The following CADM2 variants were observed in gnomAD, a reference collection of about 807,000 sequenced individuals.
CADM2 encodes the protein immunoglobulin superfamily member 4D.
CADM2 carries 12 observed loss-of-function variants against 49.8 expected under a neutral mutation model. That is an observed-to-expected ratio of 0.24 (90% CI 0.15 to 0.39). The LOEUF (loss-of-function observed/expected upper bound fraction) is 0.39. CADM2 is among the 10% of genes least tolerant of loss of function. The probability of loss-of-function intolerance (pLI) is 1.00; values close to 1 mark genes in which losing one functional copy is unlikely to be tolerated. For missense variants in CADM2, 378 were observed against 492.3 expected, an observed-to-expected ratio of 0.77 and a Z score of 2.20; for synonymous variants, 214 against 175.4, an observed-to-expected ratio of 1.22 and a Z score of -1.74.
At position 85,630,587 on chromosome 3, in the gene CADM2, G is replaced by T. The variant is rs112592472; in HGVS notation, c.62-95935G>T. 2.5e-3 allele frequency among the ~76,000 whole-genome samples: 374 copies of T among 152,154 alleles called. 1 individual carries two copies. Among genetic ancestry groups the T allele is most frequent in the Non-Finnish European group, 4.5e-3 (307 of 67,976 alleles). ...TCAGAAGGAATGAGATGAAGTCAAA[G>T]AATCTGCATTTTTAACTAATGAAGC... is the stretch of plus-strand genomic sequence containing the variant. On this transcript the variant is annotated intron_variant, in intron 1 of 9. Transcript: ENST00000383699.
At chr3:85,241,870 A>T (rs553891083) in intron 1 of CADM2, among the ~76,000 whole-genome samples, 2 of 151,678 alleles carry the variant, frequency 1.3e-5, no homozygotes, top group African/African-American at 4.8e-5. Context: ...GACGCATTTT[A>T]TGCAGAGCTA....
intron 1 of CADM2, among the ~76,000 whole-genome samples, chr3:85,291,283 C>T (rs2043787964): frequency 1.3e-5 from 2 of 151,730 alleles, no homozygotes; most frequent in Non-Finnish European, 2.9e-5. Flanking sequence ...AAATATGGGA[C>T]TATGAGAAAA....
At chr3:85,685,561 T>C (rs977379790) in intron 1 of CADM2, among the ~76,000 whole-genome samples, 1 of 151,582 alleles carries the variant, frequency 6.6e-6, no homozygotes, top group African/African-American at 2.4e-5. Flanking sequence ...ACAGCTTTAA[T>C]AAAATAATTT....
In CADM2 at chr3:85,278,482, A is replaced by T. The variant is rs561339226; in HGVS notation, c.61+318814A>T. ...GGACTCACTACTCATTTGACACATCATTATTTATCACTTGTGTTGAAACTT... is the reference window on the plus strand; with the variant it reads ...GGACTCACTACTCATTTGACACATCTTTATTTATCACTTGTGTTGAAACTT... On this transcript the variant is annotated intron_variant, in intron 1 of 9. Coordinates refer to ENST00000383699, the MANE Select transcript of CADM2 (RefSeq NM_001167675.2). 2.6e-5 allele frequency among the ~76,000 whole-genome samples: 4 copies of T among 151,568 alleles called. No individual in the cohort carries two copies. The East Asian group carries it at 7.8e-4, about 29-fold the overall frequency.
At chr3:86,034,054 G>A (rs1478616743) in intron 8 of CADM2, among the ~76,000 whole-genome samples, 1 of 151,498 alleles carries the variant, frequency 6.6e-6, no homozygotes, top group Non-Finnish European at 1.5e-5. Context: ...TCACTTTCTG[G>A]AATTGCATTA....
At chr3:85,174,086 G>A (rs1326125170) in intron 1 of CADM2, among the ~76,000 whole-genome samples, 1 of 152,012 alleles carries the variant, frequency 6.6e-6, no homozygotes, top group African/African-American at 2.4e-5. Context: ...TGCACAGTGG[G>A]CTCACTCTGT....
intron 3 of CADM2, among the ~76,000 whole-genome samples, chr3:85,863,990 G>T (rs1027142990): frequency 5.9e-5 from 9 of 152,244 alleles, no homozygotes; most frequent in African/African-American, 2.2e-4. Context: ...GCGTGTATTG[G>T]TTATGAAAAC....
At chr3:85,796,785 G>C (rs1396770386) in intron 2 of CADM2, among the ~76,000 whole-genome samples, 2 of 152,012 alleles carry the variant, frequency 1.3e-5, no homozygotes, top group Non-Finnish European at 2.9e-5. Context: ...CAAATAGCCT[G>C]TATTTGCACA....
At chr3:85,184,007 G>T (rs2040994859) in intron 1 of CADM2, among the ~76,000 whole-genome samples, 1 of 152,042 alleles carries the variant, frequency 6.6e-6, no homozygotes, top group Non-Finnish European at 1.5e-5. Context: ...AAAATGGTTA[G>T]ATCATTAGGT....
chr3:85,284,470 G>C (rs2043579260), intron 1 of CADM2, among the ~76,000 whole-genome samples: 1 of 152,066 alleles, frequency 6.6e-6, no homozygotes, highest in Admixed American at 6.6e-5. Flanking sequence ...GGAAGTGTAG[G>C]GGTGTTGTGG....
At chr3:85,728,526 A>G (rs1417701513) in intron 2 of CADM2, among the ~76,000 whole-genome samples, 1 of 152,126 alleles carries the variant, frequency 6.6e-6, no homozygotes, top group Non-Finnish European at 1.5e-5. Context: ...ATGAAGGCAA[A>G]TGGTCTTCAA....
chr3:85,258,831 T>G (rs74674528), intron 1 of CADM2, among the ~76,000 whole-genome samples: 181 of 152,238 alleles, frequency 1.2e-3, no homozygotes, highest in Non-Finnish European at 2.3e-3. Flanking sequence ...TATATATATG[T>G]GTGCAAACAA....
chr3:85,844,495 T>C (rs1450117053), intron 3 of CADM2, among the ~76,000 whole-genome samples: 1 of 152,068 alleles, frequency 6.6e-6, no homozygotes, highest in Non-Finnish European at 1.5e-5. Flanking sequence ...AAAGAAACAA[T>C]GAAAAGGAGA....
At chr3:85,905,394 T>G (rs563899054) in intron 5 of CADM2, among the ~76,000 whole-genome samples, 7 of 152,168 alleles carry the variant, frequency 4.6e-5, no homozygotes, top group Non-Finnish European at 7.4e-5. Context: ...GAAAATCAAT[T>G]AAAGACTGAC....
At chr3:85,030,614 A>T (rs1461368847) in intron 1 of CADM2, among the ~76,000 whole-genome samples, 1 of 152,212 alleles carries the variant, frequency 6.6e-6, no homozygotes, top group African/African-American at 2.4e-5. Context: ...CCTGTCAAAC[A>T]GGATATTCCT....
chr3:84,989,889 T>A (rs2032786223), intron 1 of CADM2, among the ~76,000 whole-genome samples: 1 of 151,920 alleles, frequency 6.6e-6, no homozygotes, highest in Non-Finnish European at 1.5e-5. Context: ...TACAGGTTTT[T>A]AAAGCAAAAA....
intron 1 of CADM2, among the ~76,000 whole-genome samples, chr3:85,148,965 A>C (rs2039836490): frequency 6.6e-6 from 1 of 152,052 alleles, no homozygotes; most frequent in Admixed American, 6.6e-5. Flanking sequence ...TGCAGTTCAA[A>C]CCCATGTTGT....
intron 1 of CADM2, among the ~76,000 whole-genome samples, chr3:85,091,609 T>C (rs1046043546): frequency 6.6e-6 from 1 of 152,142 alleles, no homozygotes. Context: ...AATAAACTTA[T>C]TAAAACTGAG....
At position 85,441,331 on chromosome 3, in the gene CADM2, G is replaced by T. The variant is rs547534496; in HGVS notation, c.62-285191G>T. ...ATTTTTCACATTACAGTTCACAATTGTATGCTAGTAATTAAAATTATTGTC... is the reference window on the plus strand; with the variant it reads ...ATTTTTCACATTACAGTTCACAATTTTATGCTAGTAATTAAAATTATTGTC... On this transcript the variant is annotated intron_variant, in intron 1 of 9. Coordinates refer to ENST00000383699, the MANE Select transcript of CADM2 (RefSeq NM_001167675.2). Among the ~76,000 whole-genome samples the T allele has an allele frequency of 2.0e-4, 30 of 151,806 alleles. 1 individual carries two copies. In the East Asian group the frequency reaches 5.0e-3, roughly 26 times the overall value.
Sources: allele counts gnomAD v4.1 joint callset (sites outside exome capture counted in the v4.1 genomes callset), GRCh38; gene constraint gnomAD v4.1.1; transcripts MANE v1.5; gene names NCBI Gene and HGNC (gene_info 2026-07-23, HGNC 2026-07-21).